Variants in MEGF9 observed in about 807,000 individuals in gnomAD.
MEGF9 encodes the protein multiple EGF like domains 9.
MEGF9 carries 6 observed loss-of-function variants against 46.8 expected under a neutral mutation model. That is an observed-to-expected ratio of 0.13 (90% confidence interval 0.07 to 0.25). The LOEUF is 0.25. Among genes scored for constraint, MEGF9 ranks in the 10% least tolerant of loss-of-function variants. The probability of loss-of-function intolerance (pLI) is 1.00; values close to 1 mark genes in which losing one functional copy is unlikely to be tolerated. For synonymous variants in MEGF9, 302 were observed against 330.7 expected, an observed-to-expected ratio of 0.91 and a Z score of 0.94; for missense variants, 683 against 792.4, an observed-to-expected ratio of 0.86 and a Z score of 1.66.
At chr9:120,702,679 G>A (rs1481256157) in intron 1 of MEGF9, among the ~76,000 whole-genome samples, 1 of 152,088 alleles carries the variant, frequency 6.6e-6, no homozygotes, top group Non-Finnish European at 1.5e-5. Flanking sequence ...TTACTGAAAG[G>A]ACAAATCCAA....
chr9:120,714,133 G>C lies in MEGF9; in HGVS notation c.226C>G (p.Gln76Glu). 1 of 1,238,342 alleles carries C rather than the reference G, an allele frequency of 8.1e-7. No homozygotes were observed. The allele number at this position is 1,238,342 out of a possible 1,614,324, so 76.7% of individuals were successfully genotyped here. A position where few individuals can be genotyped will look rare whatever the true frequency, so the allele number is the denominator to read the frequency against. ...PFPRATAPTA[Q>E]APRTGPPRAT... ...CGCGGGGGCCCGGTCCTCGGGGCCT[G>C]GGCCGTGGGAGCCGTCGCCCTAGGG... Residue 76 changes from glutamine (Q) to glutamate (E), a missense_variant, in exon 1 of 6, where the codon CAG (glutamine) becomes GAG (glutamate). Coordinates refer to ENST00000373930, the MANE Select transcript of MEGF9 (RefSeq NM_001080497.3).
chr9:120,615,926 A>C (rs769708968), intron 3 of MEGF9, among the ~76,000 whole-genome samples: 7 of 152,144 alleles, frequency 4.6e-5, no homozygotes, highest in Non-Finnish European at 5.9e-5. Flanking sequence ...AAAAAGAATA[A>C]AATTCATTGA....
At position 120,602,236 on chromosome 9, in the gene MEGF9, T is replaced by C; in HGVS notation, c.*2954A>G. 1 of 152,544 alleles carries C rather than the reference T, an allele frequency of 6.6e-6. No individual in the cohort carries two copies. The highest frequency in any genetic ancestry group is 1.5e-5 in the Non-Finnish European group (1 of 68,130). The allele number at this position is 152,544 out of a possible 1,614,324, so 9.4% of individuals were successfully genotyped here. On this transcript the variant is annotated 3_prime_UTR_variant, in exon 6 of 6. Transcript: ENST00000373930. Reference sequence around the variant, plus strand: ...CCAGGCTGGTCTCGAACTCCTGACCTTGTGATCCACCCGCCTCGGCCTCCC... The same window carrying C: ...CCAGGCTGGTCTCGAACTCCTGACCCTGTGATCCACCCGCCTCGGCCTCCC...
intron 4 of MEGF9, among the ~76,000 whole-genome samples, chr9:120,610,500 T>C (rs554043756): frequency 6.6e-6 from 1 of 152,318 alleles, no homozygotes; most frequent in Non-Finnish European, 1.5e-5. Context: ...TGTTTTAAGA[T>C]TTCTGTACCA....
intron 4 of MEGF9, among the ~76,000 whole-genome samples, chr9:120,611,389 C>T (rs1468453188): frequency 6.6e-6 from 1 of 152,018 alleles, no homozygotes; most frequent in Non-Finnish European, 1.5e-5. Context: ...TGGGGTATAA[C>T]ACAATAATAT....
chr9:120,628,479 T>G (rs1207587794), intron 2 of MEGF9, among the ~76,000 whole-genome samples: 1 of 141,502 alleles, frequency 7.1e-6, no homozygotes, highest in East Asian at 2.0e-4. Flanking sequence ...TTTTTTTTTT[T>G]TTTTTTTTTT....
In MEGF9 at chr9:120,713,886, G is replaced by T. The variant is rs1484373533; in HGVS notation, c.473C>A (p.Thr158Asn). The change falls in exon 1 of 6, where the codon ACC becomes AAC. Residue 158 changes from threonine (T) to asparagine (N), a missense_variant. Around this residue, in one of 2 missense-constraint regions of MEGF9, gnomAD observed 370 missense variants for 371.3 expected, o/e 1.00. Transcript: ENST00000373930. ...CGCCGGTACGGTGGTCGCTACAGGG[G>T]TGGTCGGCGCCGGGCCAGTGGTCGT... The part of the protein sequence containing the change: ...LSTTTGPAPT[T>N]PVATTVPAPT... 4.5e-6 allele frequency: 6 copies of T among 1,326,280 alleles called. No homozygotes were observed. In the South Asian group the frequency reaches 9.2e-5, roughly 20 times the overall value. The allele number at this position is 1,326,280 out of a possible 1,614,324, so 82.2% of individuals were successfully genotyped here.
intron 1 of MEGF9, among the ~76,000 whole-genome samples, chr9:120,664,636 C>T (rs1252483130): frequency 2.0e-5 from 3 of 152,114 alleles, no homozygotes; most frequent in African/African-American, 7.2e-5. Flanking sequence ...ATAATTAATA[C>T]AGAGCACTCA....
At chr9:120,694,116 GGGCAAAAGATGCAT>G (rs2043863799) in intron 1 of MEGF9, among the ~76,000 whole-genome samples, 1 of 152,062 alleles carries the variant, frequency 6.6e-6, no homozygotes, top group South Asian at 2.1e-4. Context: ...AAGGTGGCAG[GGGCAAAAGATGCAT>G]TACAACTAAC....
intron 2 of MEGF9, among the ~76,000 whole-genome samples, chr9:120,650,840 A>C (rs1484005594): frequency 6.6e-6 from 1 of 151,756 alleles, no homozygotes; most frequent in East Asian, 1.9e-4. Context: ...TTCTCCTGAT[A>C]GGTCTTCTCA....
At chr9:120,611,861 A>AGAG (rs1554794248) in intron 4 of MEGF9, among the ~76,000 whole-genome samples, 102 of 121,064 alleles carry the variant, frequency 8.4e-4, no homozygotes, top group African/African-American at 3.4e-3. Context: ...GGAAGGAAGG[A>AGAG]AGAAAGAGAG....
At chr9:120,641,410 G>A (rs2043602394) in intron 2 of MEGF9, among the ~76,000 whole-genome samples, 1 of 152,140 alleles carries the variant, frequency 6.6e-6, no homozygotes. Context: ...TGACCCTACT[G>A]AATAGGGCCT....
At chr9:120,679,221 A>G (rs1308384761) in intron 1 of MEGF9, among the ~76,000 whole-genome samples, 1 of 152,204 alleles carries the variant, frequency 6.6e-6, no homozygotes, top group Non-Finnish European at 1.5e-5. Context: ...CTTGGAACCA[A>G]CCTAAATGTC....
At chr9:120,702,409 C>A (rs1231242435) in intron 1 of MEGF9, among the ~76,000 whole-genome samples, 2 of 152,072 alleles carry the variant, frequency 1.3e-5, no homozygotes, top group Non-Finnish European at 2.9e-5. Context: ...AAATGTTATT[C>A]ATTTATTTTT....
chr9:120,623,777 A>C (rs1587976481), intron 2 of MEGF9, among the ~76,000 whole-genome samples: 1 of 152,342 alleles, frequency 6.6e-6, no homozygotes, highest in Admixed American at 6.5e-5. Flanking sequence ...GGAACCAGTC[A>C]ATCGAAGCCA....
chr9:120,688,171 G>A lies in MEGF9; in HGVS notation c.601+25587C>T, dbSNP rs201195166. Among the ~76,000 whole-genome samples, 211 of 115,084 alleles carry A rather than the reference G, an allele frequency of 1.8e-3. 2 individuals carry two copies. The highest frequency in any genetic ancestry group is 5.9e-3 in the African/African-American group (178 of 29,988). The allele number at this position is 115,084 out of a possible 152,430, so 75.5% of individuals were successfully genotyped here. On this transcript the variant is annotated intron_variant, in intron 1 of 5. Transcript: ENST00000373930. ...CACACACACACACACACACACACAC[G>A]CACGCACACACAACTTCTCTTAGGG...
intron 1 of MEGF9, among the ~76,000 whole-genome samples, chr9:120,709,423 A>C (rs1231149294): frequency 6.6e-6 from 1 of 151,888 alleles, no homozygotes; most frequent in African/African-American, 2.4e-5. Context: ...AAAAAAAAAA[A>C]CAAAAAACAA....
chr9:120,647,508 A>C (rs561133342), intron 2 of MEGF9, among the ~76,000 whole-genome samples: 1 of 152,360 alleles, frequency 6.6e-6, no homozygotes, highest in Admixed American at 6.5e-5. Flanking sequence ...ACTTTTGATC[A>C]AGATGGCTAC....
intron 3 of MEGF9, among the ~76,000 whole-genome samples, chr9:120,617,574 T>G (rs1330822286): frequency 1.1e-4 from 17 of 152,126 alleles, no homozygotes; most frequent in Admixed American, 1.1e-3. Context: ...ATGTTTGAAT[T>G]TTATTTATTC....
Sources: allele counts gnomAD v4.1 joint callset (sites outside exome capture counted in the v4.1 genomes callset), GRCh38; gene constraint gnomAD v4.1.1; regional missense constraint gnomAD v4.1.1; transcripts MANE v1.5; gene names NCBI Gene and HGNC (gene_info 2026-07-23, HGNC 2026-07-21).